RUNX1T1: variants seen among roughly 807,000 people sequenced by gnomAD.
RUNX1T1 encodes the protein protein CBFA2T1.
In RUNX1T1, 4 loss-of-function variants were observed where a neutral mutation model predicts 62.8. The observed-to-expected ratio is 0.06, with a 90% CI of 0.03 to 0.15. The LOEUF (loss-of-function observed/expected upper bound fraction) is 0.15. RUNX1T1 is among the 10% of genes least tolerant of loss of function. RUNX1T1 has a pLI of 1.00. For missense variants in RUNX1T1, 508 were observed against 754.3 expected (o/e 0.67, Z 3.82); for synonymous variants, 291 against 286.0 (o/e 1.02, Z -0.18).
intron 1 of RUNX1T1, among the ~76,000 whole-genome samples, chr8:92,082,394 T>C (rs1835410662): frequency 1.3e-5 from 2 of 152,146 alleles, no homozygotes; most frequent in Admixed American, 1.3e-4. Context: ...AAAATCTAGG[T>C]TCAGACCTTG....
At chr8:92,017,898 A>G (rs768389015) in intron 1 of RUNX1T1, among the ~76,000 whole-genome samples, 2 of 152,124 alleles carry the variant, frequency 1.3e-5, no homozygotes. Flanking sequence ...TCGCATTTCA[A>G]TTTTTCCTGC....
chr8:91,991,828 A>G (rs749408595), exon 6 of RUNX1T1: 3 of 1,614,118 alleles, frequency 1.9e-6, no homozygotes, highest in Non-Finnish European at 2.5e-6. Context: ...CTAATAGTGC[A>G]TGGTCGCTTG....
intron 1 of RUNX1T1, among the ~76,000 whole-genome samples, chr8:92,044,632 G>C (rs983678423): frequency 6.6e-6 from 1 of 152,104 alleles, no homozygotes; most frequent in Admixed American, 6.6e-5. Flanking sequence ...ATGAGTTTTG[G>C]AATAAATATT....
intron 1 of RUNX1T1, among the ~76,000 whole-genome samples, chr8:92,032,375 C>T (rs1352681320): frequency 6.6e-6 from 1 of 152,014 alleles, no homozygotes; most frequent in Non-Finnish European, 1.5e-5. Context: ...TTCAAATTCA[C>T]TCATTCTGTA....
At chr8:92,041,541 G>A (rs1828454232) in intron 1 of RUNX1T1, among the ~76,000 whole-genome samples, 1 of 152,170 alleles carries the variant, frequency 6.6e-6, no homozygotes, top group East Asian at 1.9e-4. Context: ...AGGAGTTCAA[G>A]ATCAGCCTGG....
rs1454320147 is a variant in RUNX1T1 at position 92,031,540 on chromosome 8, T to C, written c.8-14177A>G. ...GGGCGGGAATACAGTGGTGTGAACA[T>C]AGCTCACTGCAGCCTTGACCTCATG... On this transcript the variant is annotated intron_variant, in intron 1 of 10. Coordinates refer to ENST00000396218, the Ensembl canonical transcript of RUNX1T1. Among the ~76,000 whole-genome samples, 6 of 152,274 alleles carry C rather than the reference T, an allele frequency of 3.9e-5. No individual in the cohort carries two copies. In the East Asian group the frequency reaches 1.2e-3, roughly 29 times the overall value.
intron 1 of RUNX1T1, among the ~76,000 whole-genome samples, chr8:92,042,372 G>T (rs1371102063): frequency 6.6e-6 from 1 of 152,154 alleles, no homozygotes; most frequent in East Asian, 1.9e-4. Context: ...GGATTGCAAT[G>T]GTGTCATCAT....
intron 5 of RUNX1T1, among the ~76,000 whole-genome samples, chr8:92,003,993 AGCATAAAAACTGC>A (rs1180945940): frequency 2.6e-5 from 4 of 152,254 alleles, no homozygotes; most frequent in African/African-American, 9.6e-5. Flanking sequence ...CAGAGATTGT[AGCATAAAAACTGC>A]TTAACAGAGG....
intron 1 of RUNX1T1, among the ~76,000 whole-genome samples, chr8:92,061,027 C>T (rs1177230184): frequency 6.6e-6 from 1 of 152,170 alleles, no homozygotes; most frequent in Non-Finnish European, 1.5e-5. Context: ...TTATCAATGA[C>T]TCTAAATCCC....
downstream of RUNX1T1, chr8:91,956,800 A>G (rs1442144297): frequency 4.6e-6 from 1 of 217,366 alleles, no homozygotes; most frequent in African/African-American, 2.3e-5. Flanking sequence ...ATATTTTAAA[A>G]AAATTACTTC....
intron 1 of RUNX1T1, among the ~76,000 whole-genome samples, chr8:92,078,554 T>C (rs1452865756): frequency 2.6e-5 from 4 of 152,014 alleles, no homozygotes; most frequent in Non-Finnish European, 5.9e-5. Context: ...TCTACAAGTG[T>C]TATTTAAAAG....
intron 8 of RUNX1T1, among the ~76,000 whole-genome samples, chr8:91,984,901 T>C (rs1307122715): frequency 6.6e-6 from 1 of 152,182 alleles, no homozygotes; most frequent in East Asian, 1.9e-4. Context: ...TAATGCTTGT[T>C]AGGTAAATTA....
At chr8:92,034,781 T>TATAC (rs1563810589) in intron 1 of RUNX1T1, among the ~76,000 whole-genome samples, 10 of 93,738 alleles carry the variant, frequency 1.1e-4, no homozygotes, top group African/African-American at 3.9e-4. Flanking sequence ...TATATACACA[T>TATAC]ATATATATAC....
chr8:91,971,757 C>T (rs1486993645), intron 9 of RUNX1T1, among the ~76,000 whole-genome samples: 6 of 152,148 alleles, frequency 3.9e-5, no homozygotes, highest in Admixed American at 2.6e-4. Flanking sequence ...CAGGCCAAAA[C>T]AATCAGGCCT....
upstream of RUNX1T1, among the ~76,000 whole-genome samples, chr8:92,064,848 T>C (rs574556615): frequency 9.2e-5 from 14 of 152,326 alleles, no homozygotes; most frequent in South Asian, 2.9e-3. Context: ...TTCCATATGC[T>C]GTGTGATTAT....
intron 6 of RUNX1T1, among the ~76,000 whole-genome samples, chr8:91,988,159 A>C (rs2130844722): frequency 6.6e-6 from 1 of 152,250 alleles, no homozygotes; most frequent in South Asian, 2.1e-4. Flanking sequence ...ATTTACACAA[A>C]TAAAGATGAG....
chr8:91,979,788 G>A, intron 8 of RUNX1T1: 1 of 523,976 alleles, frequency 1.9e-6, no homozygotes, highest in Non-Finnish European at 3.7e-6. Context: ...ACAGGATGGA[G>A]ACCATTGGAT....
chr8:91,969,214 A>G (rs554674217), intron 10 of RUNX1T1, among the ~76,000 whole-genome samples: 34 of 152,340 alleles, frequency 2.2e-4, no homozygotes, highest in African/African-American at 7.7e-4. Context: ...TATTTTCTAA[A>G]TAGGTTTTAG....
At position 92,008,342 on chromosome 8, in the gene RUNX1T1, A is replaced by G. The variant is rs191722379; in HGVS notation, c.477+2660T>C. Reference sequence around the variant, plus strand: ...TACTGTCTCCCACATTCTTCTTATCAAAAAGAATTATTTGGGTGCCACATA... The same window carrying G: ...TACTGTCTCCCACATTCTTCTTATCGAAAAGAATTATTTGGGTGCCACATA... On this transcript the variant is annotated intron_variant, in intron 4 of 10. Coordinates refer to ENST00000396218, the Ensembl canonical transcript of RUNX1T1. 3.5e-3 allele frequency among the ~76,000 whole-genome samples: 529 copies of G among 151,548 alleles called. 4 individuals are homozygous for G. The highest frequency in any genetic ancestry group is 0.012 in the African/African-American group (497 of 41,252).
Sources: gnomAD v4.1 joint callset for allele counts (sites outside exome capture counted in the v4.1 genomes callset) on GRCh38, gnomAD v4.1.1 for gene constraint, MANE v1.5 for transcripts, NCBI Gene and HGNC (gene_info 2026-07-23, HGNC 2026-07-21) for gene names.